The following ALKBH5 variants were observed in gnomAD, a reference collection of about 807,000 sequenced individuals.
ALKBH5 encodes the protein RNA demethylase ALKBH5.
ALKBH5 carries 2 observed loss-of-function variants against 32.1 expected under a neutral mutation model. The observed-to-expected ratio is 0.06, with a 90% CI of 0.03 to 0.20. The LOEUF (loss-of-function observed/expected upper bound fraction) is 0.20, where lower values mean the gene tolerates loss of function less well. Among genes scored for constraint, ALKBH5 ranks in the 10% least tolerant of loss-of-function variants. ALKBH5 has a pLI of 1.00. For synonymous variants in ALKBH5, 300 were observed against 231.7 expected, an observed-to-expected ratio of 1.29 and a Z score of -2.68; for missense variants, 352 against 559.5, an observed-to-expected ratio of 0.63 and a Z score of 3.74.
chr17:18,205,935 C>T (rs1005956869), intron 2 of ALKBH5, among the ~76,000 whole-genome samples: 2 of 152,200 alleles, frequency 1.3e-5, no homozygotes, highest in African/African-American at 4.8e-5. Flanking sequence ...TCGCTTCCCA[C>T]CCAGTCTATT....
chr17:18,192,575 A>C (rs75718419), intron 1 of ALKBH5, among the ~76,000 whole-genome samples: 3,247 of 152,310 alleles, frequency 0.021, 102 homozygotes, highest in African/African-American at 0.066. Context: ...TTTTAGGTTC[A>C]GCATGTGATT....
chr17:18,198,985 GAGTACCCCA>G (rs2047220370), intron 2 of ALKBH5, among the ~76,000 whole-genome samples: 1 of 152,196 alleles, frequency 6.6e-6, no homozygotes, highest in Admixed American at 6.5e-5. Context: ...TTGCACAGTG[GAGTACCCCA>G]AGTCCTGCCC....
At chr17:18,203,156 G>A (rs2047251591) in intron 2 of ALKBH5, among the ~76,000 whole-genome samples, 1 of 151,436 alleles carries the variant, frequency 6.6e-6, no homozygotes, top group African/African-American at 2.4e-5. Flanking sequence ...TGGCTTTTAA[G>A]TAATCCTTCT....
rs554438914 is a variant in ALKBH5 at position 18,184,181 on chromosome 17, C to T, written c.-63C>T. The stretch of plus-strand genomic sequence containing the variant: ...CTCCGGGGGCCCCGGGGCGCGTCCC[C>T]TTAGAGCCATGCCCGGCTGCCCCGC... On this transcript the variant is annotated 5_prime_UTR_variant, in exon 1 of 4. Transcript: ENST00000399138. The T allele has an allele frequency of 1.2e-5, 17 of 1,408,084 alleles. No individual in the cohort carries two copies. Among genetic ancestry groups the T allele is most frequent in the Admixed American group, 2.5e-5 (1 of 40,140 alleles). 87.2% of individuals were successfully genotyped at this position (1,408,084 alleles called of 1,614,324 possible). A position where few individuals can be genotyped will look rare whatever the true frequency, so the allele number is the denominator to read the frequency against.
chr17:18,198,677 T>C (rs529977442), intron 2 of ALKBH5, among the ~76,000 whole-genome samples: 3 of 152,272 alleles, frequency 2.0e-5, no homozygotes, highest in Non-Finnish European at 4.4e-5. Flanking sequence ...TGTCACCAGC[T>C]CAGGTCAGTC....
chr17:18,199,095 A>G (rs1308397449), intron 2 of ALKBH5, among the ~76,000 whole-genome samples: 2 of 152,162 alleles, frequency 1.3e-5, no homozygotes, highest in Non-Finnish European at 2.9e-5. Flanking sequence ...CTGTGCAAGT[A>G]GAGAGTTGTG....
intron 2 of ALKBH5, among the ~76,000 whole-genome samples, chr17:18,201,794 A>AGATAAGATAGATAGAT (rs1491101824): frequency 7.4e-6 from 1 of 134,416 alleles, no homozygotes; most frequent in East Asian, 2.4e-4. Flanking sequence ...TAGGATAGAT[A>AGATAAGATAGATAGAT]AGATAGATAG....
At chr17:18,201,775 A>ATAGATAGATAGATAGGTAGATAGG (rs1214928957) in intron 2 of ALKBH5, among the ~76,000 whole-genome samples, 10 of 141,764 alleles carry the variant, frequency 7.1e-5, no homozygotes, top group Non-Finnish European at 1.1e-4. Flanking sequence ...AGATAGATAG[A>ATAGATAGATAGATAGGTAGATAGG]TAGATAGATA....
At chr17:18,206,745 G>A in intron 2 of ALKBH5, 70 bp from the exon 3 acceptor site, 2 of 1,563,078 alleles carry the variant, frequency 1.3e-6, no homozygotes. Context: ...CCTGGCCAGA[G>A]AATTGGTCTG....
At chr17:18,207,062 C>A in intron 3 of ALKBH5, 92 bp downstream of exon 3, 3 of 1,489,110 alleles carry the variant, frequency 2.0e-6, no homozygotes, top group Non-Finnish European at 1.8e-6. Context: ...GTTTAGGAGC[C>A]TTGGCTTGCT....
intron 2 of ALKBH5, among the ~76,000 whole-genome samples, chr17:18,204,241 C>T (rs1052536176): frequency 2.0e-5 from 3 of 152,004 alleles, no homozygotes; most frequent in African/African-American, 7.3e-5. Flanking sequence ...CACCTGAGGT[C>T]GGGAGTTCAA....
intron 1 of ALKBH5, among the ~76,000 whole-genome samples, chr17:18,193,154 G>A (rs905358280): frequency 1.3e-5 from 2 of 151,988 alleles, no homozygotes; most frequent in African/African-American, 4.8e-5. Flanking sequence ...GAGCCACCGT[G>A]CCTAGCCTGT....
chr17:18,185,873 GA>G (rs1384054718), intron 1 of ALKBH5, among the ~76,000 whole-genome samples: 2 of 152,150 alleles, frequency 1.3e-5, no homozygotes, highest in Non-Finnish European at 2.9e-5. Flanking sequence ...TTCCAGTCCT[GA>G]AAAAGGTAAA....
In ALKBH5 at chr17:18,184,867, C is replaced by G. The variant is rs2047127934; in HGVS notation, c.624C>G (p.Ile208Met). 1 of 1,614,154 alleles carries G rather than the reference C, an allele frequency of 6.2e-7. No homozygotes were observed. The highest frequency in any genetic ancestry group is 1.7e-5 in the Admixed American group (1 of 60,016). Reference protein sequence around the residue: ...GGCIVSHVDPIHIFERPIVSV... With the variant: ...GGCIVSHVDPMHIFERPIVSV... ...GCATCGTGTCTCACGTGGACCCCATCCACATCTTCGAGCGCCCCATCGTGT... is the reference window on the plus strand; with the variant it reads ...GCATCGTGTCTCACGTGGACCCCATGCACATCTTCGAGCGCCCCATCGTGT... The change falls in exon 1 of 4, where the codon ATC (isoleucine) becomes ATG (methionine). Residue 208 changes from isoleucine to methionine, a missense_variant. This residue lies in a region of ALKBH5 where 56 missense variants were observed against 238.1 expected (regional missense o/e 0.24). Coordinates refer to ENST00000399138, the MANE Select transcript of ALKBH5 (RefSeq NM_017758.4).
At chr17:18,188,283 T>TATCACTGCTGC (rs2047151767) in intron 1 of ALKBH5, among the ~76,000 whole-genome samples, 1 of 152,262 alleles carries the variant, frequency 6.6e-6, no homozygotes, top group Admixed American at 6.5e-5. Flanking sequence ...GCTGCTATCT[T>TATCACTGCTGC]TAATCACTGC....
intron 1 of ALKBH5, among the ~76,000 whole-genome samples, chr17:18,189,634 C>G (rs1567674170): frequency 6.6e-6 from 1 of 152,214 alleles, no homozygotes; most frequent in Non-Finnish European, 1.5e-5. Flanking sequence ...TGACAGCAGA[C>G]TTGGTTGGAG....
intron 2 of ALKBH5, among the ~76,000 whole-genome samples, chr17:18,197,106 T>A (rs2047208760): frequency 6.6e-6 from 1 of 152,164 alleles, no homozygotes; most frequent in Non-Finnish European, 1.5e-5. Context: ...GTCAAAACTT[T>A]TAGTCTGTTT....
intron 1 of ALKBH5, among the ~76,000 whole-genome samples, chr17:18,188,742 C>T (rs1024888999): frequency 6.6e-6 from 1 of 152,110 alleles, no homozygotes; most frequent in South Asian, 2.1e-4. Flanking sequence ...AATCATGAAG[C>T]TCAGAGCAAG....
In ALKBH5 at chr17:18,209,793, T is replaced by C. The variant is rs1187146816; in HGVS notation, c.*1397T>C. 1 of 152,624 alleles carries C rather than the reference T, an allele frequency of 6.6e-6. No homozygotes were observed. Among genetic ancestry groups the C allele is most frequent in the Non-Finnish European group, 1.5e-5 (1 of 68,034 alleles). The allele number at this position is 152,624 out of a possible 1,614,324, so 9.5% of individuals were successfully genotyped here. On this transcript the variant is annotated 3_prime_UTR_variant, in exon 4 of 4. Transcript: ENST00000399138. ...GCCCCTCTCAGGGGCCAGAACTCCTTTGCCAGCGTGGATTTCTCAAGTCGG... is the reference window on the plus strand; with the variant it reads ...GCCCCTCTCAGGGGCCAGAACTCCTCTGCCAGCGTGGATTTCTCAAGTCGG...
Sources: allele counts gnomAD v4.1 joint callset (sites outside exome capture counted in the v4.1 genomes callset), GRCh38; gene constraint gnomAD v4.1.1; regional missense constraint gnomAD v4.1.1; transcripts MANE v1.5; gene names NCBI Gene and HGNC (gene_info 2026-07-23, HGNC 2026-07-21).